The following HTR1F variants were observed in gnomAD, a reference collection of about 807,000 sequenced individuals.
HTR1F encodes 5-hydroxytryptamine receptor 1F.
HTR1F carries 17 observed loss-of-function variants against 24.0 expected under a neutral mutation model. The ratio of observed to expected loss-of-function variants is 0.71; its 90% CI spans 0.48 to 1.06. The LOEUF (loss-of-function observed/expected upper bound fraction) is 1.06, where lower values mean the gene tolerates loss of function less well. Among genes scored for constraint, HTR1F ranks in the 50% least tolerant of loss-of-function variants. The pLI is 0.00. For synonymous variants in HTR1F, 186 were observed against 156.8 expected (o/e 1.19, Z -1.39); for missense variants, 391 against 427.8 (o/e 0.91, Z 0.76).
intron 2 of HTR1F, among the ~76,000 whole-genome samples, chr3:87,859,922 C>T (rs755336332): frequency 2.0e-5 from 3 of 152,094 alleles, no homozygotes; most frequent in Admixed American, 6.6e-5. Context: ...AATATTGATG[C>T]CTTGACCTAA....
At chr3:87,838,056 CT>C in intron 2 of HTR1F, among the ~76,000 whole-genome samples, 1 of 152,116 alleles carries the variant, frequency 6.6e-6, no homozygotes, top group Admixed American at 6.6e-5. Context: ...TGCTTATTTA[CT>C]TTAAGTTCTC....
At chr3:87,943,438 T>G (rs1285210529) in intron 2 of HTR1F, among the ~76,000 whole-genome samples, 3 of 149,834 alleles carry the variant, frequency 2.0e-5, no homozygotes, top group Admixed American at 6.7e-5. Context: ...AAAAGGTACA[T>G]GCACTCTGGC....
chr3:87,890,843 CTTTT>C (rs5850816), intron 2 of HTR1F, among the ~76,000 whole-genome samples: 4 of 139,124 alleles, frequency 2.9e-5, no homozygotes, highest in Admixed American at 7.2e-5. Context: ...TCAATTATTT[CTTTT>C]TTTTTTTTTT....
chr3:87,920,031 A>T (rs1287383177), intron 2 of HTR1F, among the ~76,000 whole-genome samples: 2 of 71,218 alleles, frequency 2.8e-5, no homozygotes, highest in African/African-American at 5.8e-5. Context: ...ATGTAATATT[A>T]TATATATATA....
chr3:87,814,711 T>A (rs1220462398), intron 1 of HTR1F, among the ~76,000 whole-genome samples: 1 of 152,202 alleles, frequency 6.6e-6, no homozygotes, highest in Non-Finnish European at 1.5e-5. Flanking sequence ...ATGTGGTATA[T>A]AAATAGATTA....
In HTR1F at chr3:87,992,455, T is replaced by C. The variant is rs1705858457; in HGVS notation, c.*605T>C. ...AGCAAAGAGTAATCATAAAGTGGGT[T>C]AGGTACAGCAAAATAATTCAATACT... On this transcript the variant is annotated 3_prime_UTR_variant, in exon 3 of 3. Coordinates refer to ENST00000319595, the MANE Select transcript of HTR1F (RefSeq NM_001322209.2). 6.0e-6 allele frequency: 1 copy of C among 167,036 alleles called. No individual in the cohort carries two copies. 10.3% of individuals were successfully genotyped at this position (167,036 alleles called of 1,614,324 possible).
chr3:87,972,014 G>T (rs1705295613), intron 2 of HTR1F, among the ~76,000 whole-genome samples: 1 of 152,164 alleles, frequency 6.6e-6, no homozygotes, highest in Non-Finnish European at 1.5e-5. Context: ...TGTCAGCAGT[G>T]TGTTATTGTG....
At chr3:87,800,596 A>C (rs1703975541) in intron 1 of HTR1F, among the ~76,000 whole-genome samples, 1 of 152,176 alleles carries the variant, frequency 6.6e-6, no homozygotes, top group African/African-American at 2.4e-5. Flanking sequence ...GAGTACCTGG[A>C]GGCAGAAATG....
At chr3:87,813,089 T>C (rs1575897374) in intron 1 of HTR1F, among the ~76,000 whole-genome samples, 1 of 152,210 alleles carries the variant, frequency 6.6e-6, no homozygotes, top group Admixed American at 6.5e-5. Context: ...CATTGATCAC[T>C]GCCTAGTGAA....
At position 87,841,363 on chromosome 3, in the gene HTR1F, A is replaced by AT. The variant is rs1259507725; in HGVS notation, c.-43+19241dup. ...GATTTTCTTAGTCCCTGAAATTCCC[A>AT]TTATTAATCAATCCTTTTAATCAAA... On this transcript the variant is annotated intron_variant, in intron 2 of 2. Coordinates refer to ENST00000319595, the MANE Select transcript of HTR1F (RefSeq NM_001322209.2). 9.2e-5 allele frequency among the ~76,000 whole-genome samples: 14 copies of AT among 151,954 alleles called. 1 individual carries two copies. Among genetic ancestry groups the AT allele is most frequent in the Admixed American group, 6.5e-4 (10 of 15,270 alleles).
chr3:87,822,360 G>A (rs1282221191), intron 2 of HTR1F, among the ~76,000 whole-genome samples: 1 of 152,084 alleles, frequency 6.6e-6, no homozygotes, highest in African/African-American at 2.4e-5. Flanking sequence ...ATAGGGTGGA[G>A]ACTTGGAGAT....
At chr3:87,902,380 T>C (rs572487982) in intron 2 of HTR1F, among the ~76,000 whole-genome samples, 1 of 152,242 alleles carries the variant, frequency 6.6e-6, no homozygotes, top group South Asian at 2.1e-4. Flanking sequence ...ATATGAATCT[T>C]GATTCCTACC....
rs1165518141 is a variant in HTR1F at position 87,945,082 on chromosome 3, CTCTCCTCCATCTCTCTCTCTG to C, written c.-42-45605_-42-45585del. Among the ~76,000 whole-genome samples the C allele has an allele frequency of 5.3e-5, 8 of 152,042 alleles. No homozygotes were observed. In the South Asian group the frequency reaches 6.2e-4, roughly 12 times the overall value. ...TTCTCTCTCTCTTCTCTGTCTCTCT[CTCTCCTCCATCTCTCTCTCTG>C]TCTCCTCCATCTCTCTCTCTCTCTC... On this transcript the variant is annotated intron_variant, in intron 2 of 2. Transcript: ENST00000319595.
At chr3:87,956,917 A>G (rs1015757609) in intron 2 of HTR1F, among the ~76,000 whole-genome samples, 2 of 151,164 alleles carry the variant, frequency 1.3e-5, no homozygotes, top group Non-Finnish European at 3.0e-5. Context: ...CCAAATGGAG[A>G]CAGTGTTATC....
At chr3:87,902,599 T>A (rs1355603821) in intron 2 of HTR1F, among the ~76,000 whole-genome samples, 4 of 152,120 alleles carry the variant, frequency 2.6e-5, no homozygotes, top group South Asian at 4.1e-4. Context: ...TTCTTTTTTT[T>A]ATTTTATCAT....
At chr3:87,804,309 T>C (rs1349423214) in intron 1 of HTR1F, among the ~76,000 whole-genome samples, 2 of 152,094 alleles carry the variant, frequency 1.3e-5, no homozygotes, top group African/African-American at 4.8e-5. Flanking sequence ...TGGTGGTGCA[T>C]GCCTGTGGTC....
intron 2 of HTR1F, among the ~76,000 whole-genome samples, chr3:87,950,449 C>A (rs1267811563): frequency 6.6e-6 from 1 of 151,948 alleles, no homozygotes; most frequent in Non-Finnish European, 1.5e-5. Context: ...TTCAACCCTT[C>A]ATTCATACAT....
rs114003860 is a variant in HTR1F, at chr3:87,825,881, C to A, written c.-43+3757C>A. The stretch of plus-strand genomic sequence containing the variant: ...CAGACAGACAGGCAGGGTTTTAGAT[C>A]CCATTGTAGGGACATACCACCACCT... On this transcript the variant is annotated intron_variant, in intron 2 of 2. Coordinates refer to ENST00000319595, the MANE Select transcript of HTR1F (RefSeq NM_001322209.2). 9.3e-3 allele frequency among the ~76,000 whole-genome samples: 1,419 copies of A among 152,120 alleles called. 21 individuals carry two copies. Among genetic ancestry groups the A allele is most frequent in the African/African-American group, 0.032 (1,308 of 41,476 alleles).
At chr3:87,875,396 G>A (rs1207676110) in intron 2 of HTR1F, among the ~76,000 whole-genome samples, 4 of 151,426 alleles carry the variant, frequency 2.6e-5, no homozygotes, top group African/African-American at 9.7e-5. Flanking sequence ...GTTGCAGTGA[G>A]CCGAGATCAT....
Sources: allele counts gnomAD v4.1 joint callset (sites outside exome capture counted in the v4.1 genomes callset), GRCh38; gene constraint gnomAD v4.1.1; transcripts MANE v1.5; gene names NCBI Gene and HGNC (gene_info 2026-07-23, HGNC 2026-07-21).